ST6GALNAC5: variants seen among roughly 807,000 people sequenced by gnomAD.
The protein encoded by ST6GALNAC5 is ST6 N-acetylgalactosaminide alpha-2,6-sialyltransferase 5.
ST6GALNAC5 carries 27 observed loss-of-function variants against 33.6 expected under a neutral mutation model. That is an observed-to-expected ratio of 0.80 (90% CI 0.59 to 1.11). The LOEUF is 1.11. ST6GALNAC5 is among the 50% of genes least tolerant of loss of function. The pLI is 0.00. For synonymous variants in ST6GALNAC5, 194 were observed against 171.2 expected (o/e 1.13, Z -1.04); for missense variants, 428 against 454.0 (o/e 0.94, Z 0.52).
At chr1:77,051,000 G>T (rs548767972) in intron 4 of ST6GALNAC5, among the ~76,000 whole-genome samples, 4 of 152,140 alleles carry the variant, frequency 2.6e-5, no homozygotes, top group African/African-American at 9.7e-5. Context: ...TTGAAAACTC[G>T]CCTGTAATTT....
intron 2 of ST6GALNAC5, among the ~76,000 whole-genome samples, chr1:76,879,956 T>C (rs1344090747): frequency 6.6e-6 from 1 of 152,174 alleles, no homozygotes; most frequent in Non-Finnish European, 1.5e-5. Flanking sequence ...GATAAGAACT[T>C]GTGTCTGTTT....
chr1:77,015,033 T>C (rs1650770878), intron 2 of ST6GALNAC5, among the ~76,000 whole-genome samples: 1 of 144,046 alleles, frequency 6.9e-6, no homozygotes, highest in Non-Finnish European at 1.5e-5. Flanking sequence ...ACAGAAACAA[T>C]AGGACACTCG....
chr1:76,891,883 G>T (rs544471454), intron 2 of ST6GALNAC5, among the ~76,000 whole-genome samples: 1 of 151,998 alleles, frequency 6.6e-6, no homozygotes, highest in Non-Finnish European at 1.5e-5. Context: ...AAAATAAACC[G>T]CATATCTATG....
intron 2 of ST6GALNAC5, among the ~76,000 whole-genome samples, chr1:76,946,683 C>T (rs1327944211): frequency 6.6e-6 from 1 of 152,054 alleles, no homozygotes; most frequent in Admixed American, 6.6e-5. Context: ...TTAAGAGTTG[C>T]GGTTGTTTAG....
intron 2 of ST6GALNAC5, among the ~76,000 whole-genome samples, chr1:76,988,123 C>T (rs781298198): frequency 5.9e-5 from 9 of 152,038 alleles, no homozygotes; most frequent in Non-Finnish European, 1.2e-4. Context: ...GCTTTGTCAT[C>T]AAGCTCTGAG....
At chr1:77,000,782 G>C (rs990034470) in intron 2 of ST6GALNAC5, among the ~76,000 whole-genome samples, 6 of 151,698 alleles carry the variant, frequency 4.0e-5, no homozygotes, top group African/African-American at 9.7e-5. Flanking sequence ...TCTCAGGTTT[G>C]TCAAAGATCA....
At chr1:76,952,997 C>T (rs1647813161) in intron 2 of ST6GALNAC5, among the ~76,000 whole-genome samples, 2 of 152,026 alleles carry the variant, frequency 1.3e-5, no homozygotes, top group Admixed American at 6.6e-5. Flanking sequence ...ACCCTAGTTT[C>T]GTCTACATAG....
At chr1:76,986,810 C>T (rs938972057) in intron 2 of ST6GALNAC5, among the ~76,000 whole-genome samples, 8 of 152,094 alleles carry the variant, frequency 5.3e-5, no homozygotes, top group Admixed American at 2.0e-4. Flanking sequence ...GGCACATATA[C>T]ACCATGGAAT....
intron 2 of ST6GALNAC5, among the ~76,000 whole-genome samples, chr1:76,948,587 C>CAGAGAGAGAGAGAGAGAGAGAGAG (rs60959607): frequency 4.6e-5 from 6 of 129,730 alleles, no homozygotes; most frequent in South Asian, 2.6e-4. Context: ...GGAGTGGGGA[C>CAGAGAGAGAGAGAGAGAGAGAGAG]AGAGAGAGAG....
At chr1:76,959,270 C>G (rs978250244) in intron 2 of ST6GALNAC5, among the ~76,000 whole-genome samples, 1 of 152,164 alleles carries the variant, frequency 6.6e-6, no homozygotes, top group Non-Finnish European at 1.5e-5. Flanking sequence ...TATATTTATT[C>G]TTGCTGCTTT....
intron 2 of ST6GALNAC5, among the ~76,000 whole-genome samples, chr1:76,912,059 G>C (rs376529770): frequency 1.3e-5 from 2 of 151,864 alleles, no homozygotes; most frequent in Non-Finnish European, 2.9e-5. Context: ...CTTGTGGGCA[G>C]TTAGTGCTAT....
intron 2 of ST6GALNAC5, among the ~76,000 whole-genome samples, chr1:77,034,432 C>G (rs1651578030): frequency 6.6e-6 from 1 of 152,162 alleles, no homozygotes; most frequent in Non-Finnish European, 1.5e-5. Context: ...TGCAAAACCT[C>G]TGTTTCTAGA....
chr1:76,998,761 A>G (rs1366249626), intron 2 of ST6GALNAC5, among the ~76,000 whole-genome samples: 2 of 152,214 alleles, frequency 1.3e-5, no homozygotes, highest in East Asian at 3.8e-4. Context: ...CATGACTAAT[A>G]TGTGTGAAAT....
intron 2 of ST6GALNAC5, among the ~76,000 whole-genome samples, chr1:76,875,779 T>A (rs530235977): frequency 2.0e-5 from 3 of 152,278 alleles, no homozygotes; most frequent in East Asian, 3.9e-4. Context: ...TGGACACTGA[T>A]GCAGAGCATA....
chr1:76,968,979 GT>G (rs1648620941), intron 2 of ST6GALNAC5, among the ~76,000 whole-genome samples: 1 of 152,148 alleles, frequency 6.6e-6, no homozygotes, highest in Non-Finnish European at 1.5e-5. Flanking sequence ...CCCTTTGTGC[GT>G]TACCCAACTT....
At chr1:76,894,387 A>G (rs1286914224) in intron 2 of ST6GALNAC5, among the ~76,000 whole-genome samples, 5 of 152,040 alleles carry the variant, frequency 3.3e-5, no homozygotes, top group Non-Finnish European at 4.4e-5. Flanking sequence ...GCGAGCCTGA[A>G]GAGTTTTGTG....
chr1:76,965,170 G>A (rs1648408314), intron 2 of ST6GALNAC5, among the ~76,000 whole-genome samples: 1 of 151,948 alleles, frequency 6.6e-6, no homozygotes, highest in Non-Finnish European at 1.5e-5. Context: ...CTAGATCCTT[G>A]AGGAATTGCC....
intron 2 of ST6GALNAC5, among the ~76,000 whole-genome samples, chr1:76,978,435 C>G (rs558142694): frequency 6.6e-6 from 1 of 152,082 alleles, no homozygotes; most frequent in Non-Finnish European, 1.5e-5. Flanking sequence ...TCACCATGAT[C>G]AACTGATTCA....
In ST6GALNAC5 at chr1:76,868,893, T is replaced by C. The variant is rs1653430561; in HGVS notation, c.261+151T>C. The C allele has an allele frequency of 8.1e-7, 1 of 1,237,800 alleles. No homozygotes were observed. Among genetic ancestry groups the C allele is most frequent in the African/African-American group, 1.6e-5 (1 of 63,154 alleles). The allele number at this position is 1,237,800 out of a possible 1,614,324, so 76.7% of individuals were successfully genotyped here. A position where few individuals can be genotyped will look rare whatever the true frequency, so the allele number is the denominator to read the frequency against. ...ACCCGCTGGGGTAGGGTGGGCTAGTTCCAACTTGGTATGAATTCTTATTTG... is the reference window on the plus strand; with the variant it reads ...ACCCGCTGGGGTAGGGTGGGCTAGTCCCAACTTGGTATGAATTCTTATTTG... On this transcript the variant is annotated intron_variant, in intron 2 of 4. Transcript: ENST00000477717. This position sits in a 1 kb window ranked among gnomAD's most constrained non-coding sequence, Gnocchi z 4.3.
Sources: gnomAD v4.1 joint callset for allele counts (sites outside exome capture counted in the v4.1 genomes callset) on GRCh38, gnomAD v4.1.1 for gene constraint, Gnocchi (gnomAD v3.1) non-coding constraint, MANE v1.5 for transcripts, NCBI Gene and HGNC (gene_info 2026-07-23, HGNC 2026-07-21) for gene names.